The following FAM227A variants were observed in gnomAD, a reference collection of about 807,000 sequenced individuals.
FAM227A encodes protein FAM227A.
In FAM227A, 80 loss-of-function variants were observed where a neutral mutation model predicts 74.7. The ratio of observed to expected loss-of-function variants is 1.07; its 90% CI spans 0.89 to 1.29. FAM227A has a LOEUF of 1.29. Ranked by LOEUF, FAM227A falls within the 50% of genes most tolerant of loss-of-function variation. The probability of loss-of-function intolerance (pLI) is 0.00; values close to 1 mark genes in which losing one functional copy is unlikely to be tolerated. For synonymous variants in FAM227A, 237 were observed against 241.8 expected, an observed-to-expected ratio of 0.98 and a Z score of 0.19; for missense variants, 654 against 683.4, an observed-to-expected ratio of 0.96 and a Z score of 0.48.
chr22:38,618,909 G>C (rs1048418060), intron 11 of FAM227A, among the ~76,000 whole-genome samples: 6 of 151,240 alleles, frequency 4.0e-5, no homozygotes, highest in African/African-American at 1.5e-4. Context: ...AAAACAGGCA[G>C]TGAAAGGTCT....
In FAM227A at chr22:38,580,925, T is replaced by C. The variant is rs892301785; in HGVS notation, c.*5200A>G. ...TCCCGAATAGCTAGGATTCCAGGCATGCACCACCACGCCTGGCTGATTTTT... is the reference window on the plus strand; with the variant it reads ...TCCCGAATAGCTAGGATTCCAGGCACGCACCACCACGCCTGGCTGATTTTT... On this transcript the variant is annotated 3_prime_UTR_variant, in exon 17 of 17. Coordinates refer to ENST00000535113, the MANE Select transcript of FAM227A (RefSeq NM_001013647.2). The C allele has an allele frequency of 1.3e-5, 2 of 152,180 alleles. No homozygotes were observed. Among genetic ancestry groups the C allele is most frequent in the African/African-American group, 2.4e-5 (1 of 41,444 alleles). The allele number at this position is 152,180 out of a possible 1,614,324, so 9.4% of individuals were successfully genotyped here. A position where few individuals can be genotyped will look rare whatever the true frequency, so the allele number is the denominator to read the frequency against.
intron 11 of FAM227A, among the ~76,000 whole-genome samples, chr22:38,613,084 A>ATATATATATTATATATAAT (rs1555959684): frequency 0.011 from 996 of 87,166 alleles, 22 homozygotes; most frequent in East Asian, 0.063. Flanking sequence ...ATATATAATT[A>ATATATATATTATATATAAT]TATATATATA....
At chr22:38,648,971 CAAA>C (rs55894604) in intron 2 of FAM227A, among the ~76,000 whole-genome samples, 5 of 128,834 alleles carry the variant, frequency 3.9e-5, no homozygotes, top group African/African-American at 5.9e-5. Flanking sequence ...GACTCTGTCT[CAAA>C]AAAAAAAAAA....
intron 10 of FAM227A, among the ~76,000 whole-genome samples, chr22:38,621,174 C>G (rs1040831939): frequency 4.6e-5 from 7 of 151,698 alleles, no homozygotes; most frequent in Admixed American, 3.9e-4. Context: ...CTGTCTCACC[C>G]TGTATTTTTG....
intron 2 of FAM227A, 113 bp from the exon 3 acceptor site, chr22:38,645,758 T>C: frequency 1.6e-6 from 1 of 640,266 alleles, no homozygotes; most frequent in Admixed American, 3.4e-5. Flanking sequence ...TCCTTAATTA[T>C]TTTCTTTGCA....
intron 2 of FAM227A, among the ~76,000 whole-genome samples, chr22:38,646,930 C>G (rs759259230): frequency 7.9e-5 from 12 of 151,714 alleles, no homozygotes; most frequent in Non-Finnish European, 1.5e-4. Flanking sequence ...GCGGGCAGAT[C>G]ACGATGTTAG....
intron 2 of FAM227A, among the ~76,000 whole-genome samples, chr22:38,646,282 C>T (rs1431791051): frequency 9.5e-5 from 9 of 94,988 alleles, no homozygotes; most frequent in Non-Finnish European, 1.5e-4. Flanking sequence ...TTTTTTGAGA[C>T]GGAGTCTCGC....
At position 38,607,450 on chromosome 22, in the gene FAM227A, T is replaced by C; in HGVS notation, c.1065A>G (p.Glu355=). 1 of 1,551,474 alleles carries C rather than the reference T, an allele frequency of 6.4e-7. No individual in the cohort carries two copies. ...AGTTCTGCTTGGCCGAAGAGGTTTT[T>C]TCACTGGGTGAATTTGCACTAGAAG... ...PQSSSANSPS[E]KTSSAKQNSE... Residue 355 remains glutamate, a synonymous_variant, in exon 12 of 17, where the codon GAA becomes GAG. Coordinates refer to ENST00000535113, the MANE Select transcript of FAM227A (RefSeq NM_001013647.2).
intron 16 of FAM227A, among the ~76,000 whole-genome samples, chr22:38,590,149 C>T (rs915512614): frequency 9.9e-5 from 15 of 151,256 alleles, no homozygotes; most frequent in Middle Eastern, 3.4e-3. Context: ...CATGGTGGCA[C>T]GCGCCTGTAG....
At chr22:38,627,271 T>C (rs191995577) in intron 8 of FAM227A, among the ~76,000 whole-genome samples, 2 of 151,900 alleles carry the variant, frequency 1.3e-5, no homozygotes, top group Admixed American at 6.6e-5. Context: ...CAGAAAAATA[T>C]AAAATGGAAA....
chr22:38,648,311 A>G (rs2092272871), intron 2 of FAM227A, among the ~76,000 whole-genome samples: 1 of 151,910 alleles, frequency 6.6e-6, no homozygotes, highest in South Asian at 2.1e-4. Context: ...TGATTAAAAA[A>G]AAAAAAAAAA....
rs529870857 is a variant in FAM227A at position 38,634,012 on chromosome 22, A to T, written c.519+2439T>A. Among the ~76,000 whole-genome samples, 15 of 152,108 alleles carry T rather than the reference A, an allele frequency of 9.9e-5. No homozygotes were observed. In the South Asian group the frequency reaches 3.1e-3, roughly 32 times the overall value. On this transcript the variant is annotated intron_variant, in intron 6 of 16. Coordinates refer to ENST00000535113, the MANE Select transcript of FAM227A (RefSeq NM_001013647.2). Reference sequence around the variant, plus strand: ...GGCAGGTGGACCACTTGAGGTCAGGAGTTCAAGACCAGCTTGGCAAACATG... The same window carrying T: ...GGCAGGTGGACCACTTGAGGTCAGGTGTTCAAGACCAGCTTGGCAAACATG...
intron 11 of FAM227A, among the ~76,000 whole-genome samples, chr22:38,612,071 A>G (rs1040133631): frequency 1.3e-5 from 2 of 152,014 alleles, no homozygotes; most frequent in African/African-American, 4.8e-5. Flanking sequence ...CCATCTCCCA[A>G]TGCGTCAGGT....
At chr22:38,594,964 G>A (rs1190828635) in intron 15 of FAM227A, among the ~76,000 whole-genome samples, 1 of 152,178 alleles carries the variant, frequency 6.6e-6, no homozygotes, top group Admixed American at 6.5e-5. Context: ...CAGGCGTGGT[G>A]GCATGTGCCT....
At position 38,579,784 on chromosome 22, in the gene FAM227A, CATA is replaced by C. The variant is rs1315844200; in HGVS notation, c.*6338_*6340del. 6.6e-6 allele frequency: 1 copy of C among 151,946 alleles called. No homozygotes were observed. The highest frequency in any genetic ancestry group is 2.4e-5 in the African/African-American group (1 of 41,374). The allele number at this position is 151,946 out of a possible 1,614,324, so 9.4% of individuals were successfully genotyped here. A position where few individuals can be genotyped will look rare whatever the true frequency, so the allele number is the denominator to read the frequency against. On this transcript the variant is annotated 3_prime_UTR_variant, in exon 17 of 17. Transcript: ENST00000535113. ...GTGATAACTCTTTAAAAAATATAAC[CATA>C]ATGCTATTATCACGCCTAGAATAAT...
At chr22:38,620,401 T>A in intron 10 of FAM227A, 110 bp from the exon 11 acceptor site, 1 of 781,918 alleles carries the variant, frequency 1.3e-6, no homozygotes, top group South Asian at 1.6e-5. Context: ...ACCCACCAGA[T>A]CTAGGGTCTC....
intron 11 of FAM227A, among the ~76,000 whole-genome samples, chr22:38,614,198 G>A (rs1321716107): frequency 6.6e-6 from 1 of 152,170 alleles, no homozygotes; most frequent in Non-Finnish European, 1.5e-5. Flanking sequence ...GAGCTACTGT[G>A]CAAAGAGACG....
intron 6 of FAM227A, among the ~76,000 whole-genome samples, chr22:38,632,147 G>A (rs1461230336): frequency 6.6e-6 from 1 of 152,176 alleles, no homozygotes; most frequent in African/African-American, 2.4e-5. Context: ...GTTAGATAGA[G>A]GCAGAGGGAT....
intron 5 of FAM227A, among the ~76,000 whole-genome samples, chr22:38,637,973 C>A (rs571635468): frequency 6.6e-6 from 1 of 152,246 alleles, no homozygotes; most frequent in Non-Finnish European, 1.5e-5. Context: ...TCGAGACCAG[C>A]CTAGCCAACA....
Sources: allele counts gnomAD v4.1 joint callset (sites outside exome capture counted in the v4.1 genomes callset), GRCh38; gene constraint gnomAD v4.1.1; transcripts MANE v1.5; gene names NCBI Gene and HGNC (gene_info 2026-07-23, HGNC 2026-07-21).